GCNT2: variants seen among roughly 807,000 people sequenced by gnomAD.
GCNT2 encodes the protein N-acetyllactosaminide beta-1,6-N-acetylglucosaminyl-transferase.
GCNT2 carries 34 observed loss-of-function variants against 34.2 expected under a neutral mutation model. The observed-to-expected ratio is 1.00, with a 90% CI of 0.76 to 1.32. The LOEUF (loss-of-function observed/expected upper bound fraction) is 1.32. GCNT2 is among the 40% of genes most tolerant of loss of function. GCNT2 has a pLI of 0.00. For synonymous variants in GCNT2, 212 were observed against 188.0 expected (o/e 1.13, Z -1.04); for missense variants, 584 against 489.4 (o/e 1.19, Z -1.82).
intron 1 of GCNT2, among the ~76,000 whole-genome samples, chr6:10,526,909 A>AT (rs1484128633): frequency 6.6e-6 from 1 of 152,192 alleles, no homozygotes; most frequent in Non-Finnish European, 1.5e-5. Flanking sequence ...TGAGGAGTTC[A>AT]AGACCAGCCT....
intron 3 of GCNT2, among the ~76,000 whole-genome samples, chr6:10,561,185 G>A (rs1295266374): frequency 6.6e-6 from 1 of 151,508 alleles, no homozygotes; most frequent in South Asian, 2.1e-4. Context: ...TTTTTTTTGA[G>A]ACAGAGTTTC....
intron 3 of GCNT2, among the ~76,000 whole-genome samples, chr6:10,616,802 G>A (rs938923972): frequency 6.6e-6 from 1 of 151,994 alleles, no homozygotes; most frequent in Non-Finnish European, 1.5e-5. Flanking sequence ...GTTTCTCCAA[G>A]ACCCAACCAG....
At chr6:10,606,546 T>C (rs375508946) in intron 3 of GCNT2, among the ~76,000 whole-genome samples, 5 of 149,574 alleles carry the variant, frequency 3.3e-5, no homozygotes, top group African/African-American at 1.3e-4. Flanking sequence ...AAGATATTTA[T>C]TGGGATCTCT....
chr6:10,573,408 G>C (rs1000756189), intron 3 of GCNT2: 1 of 474,704 alleles, frequency 2.1e-6, no homozygotes, highest in Admixed American at 6.4e-5. Flanking sequence ...GTTAACACCA[G>C]AAGGGAAAGA....
chr6:10,568,681 G>T (rs1176846930), intron 3 of GCNT2, among the ~76,000 whole-genome samples: 1 of 152,130 alleles, frequency 6.6e-6, no homozygotes, highest in Non-Finnish European at 1.5e-5. Flanking sequence ...AAATCTCCCT[G>T]TTGGAGATCC....
intron 3 of GCNT2, among the ~76,000 whole-genome samples, chr6:10,544,945 C>CAAATAAATAAATAAATAAATAAAT (rs57813293): frequency 2.0e-5 from 3 of 148,972 alleles, no homozygotes; most frequent in African/African-American, 5.0e-5. Context: ...AACTCTGTCT[C>CAAATAAATAAATAAATAAATAAAT]AAATAAATAA....
chr6:10,616,148 A>T (rs1329944691), intron 3 of GCNT2, among the ~76,000 whole-genome samples: 2 of 149,728 alleles, frequency 1.3e-5, no homozygotes, highest in East Asian at 3.9e-4. Context: ...TGGTCTCGCT[A>T]GCTCAGGAGT....
intron 3 of GCNT2, among the ~76,000 whole-genome samples, chr6:10,589,149 GGT>G (rs1480364286): frequency 1.9e-4 from 25 of 134,074 alleles, no homozygotes; most frequent in Admixed American, 1.5e-4. Flanking sequence ...ATGTGGTGTG[GGT>G]GTGTGTGCGT....
At chr6:10,563,775 AAAATAT>A (rs1165471826) in intron 3 of GCNT2, among the ~76,000 whole-genome samples, 9 of 30,460 alleles carry the variant, frequency 3.0e-4, no homozygotes, top group African/African-American at 3.9e-4. Flanking sequence ...AAAAAAAAAA[AAAATAT>A]ATATATATAT....
chr6:10,546,075 T>C (rs1581387147), intron 3 of GCNT2, among the ~76,000 whole-genome samples: 1 of 152,206 alleles, frequency 6.6e-6, no homozygotes, highest in East Asian at 1.9e-4. Context: ...CTGTTCTTTA[T>C]GCCTCACTGC....
intron 3 of GCNT2, chr6:10,556,093 CG>C: frequency 1.6e-6 from 2 of 1,213,740 alleles, no homozygotes; most frequent in Non-Finnish European, 2.1e-6. Context: ...CTAAATCTGC[CG>C]GGGGAAAGAG....
At chr6:10,599,738 A>G (rs1765018757) in intron 3 of GCNT2, among the ~76,000 whole-genome samples, 1 of 152,190 alleles carries the variant, frequency 6.6e-6, no homozygotes, top group Non-Finnish European at 1.5e-5. Context: ...AATGATAATA[A>G]CTGCTAATCT....
chr6:10,551,182 G>A (rs140302896), intron 3 of GCNT2, among the ~76,000 whole-genome samples: 2 of 152,106 alleles, frequency 1.3e-5, no homozygotes, highest in East Asian at 1.9e-4. Context: ...AGCCACATGC[G>A]CCTTAACATT....
intron 3 of GCNT2, among the ~76,000 whole-genome samples, chr6:10,582,435 A>G (rs1228990005): frequency 1.6e-5 from 2 of 126,430 alleles, no homozygotes; most frequent in Non-Finnish European, 3.1e-5. Flanking sequence ...ACTATAATTT[A>G]ATATTTATTA....
chr6:10,599,631 T>G (rs147967163), intron 3 of GCNT2, among the ~76,000 whole-genome samples: 10 of 152,240 alleles, frequency 6.6e-5, no homozygotes, highest in African/African-American at 2.4e-4. Context: ...TAGCTTCCCC[T>G]CTCTCCAAGA....
chr6:10,616,796 C>T (rs1053210704), intron 3 of GCNT2, among the ~76,000 whole-genome samples: 1 of 152,124 alleles, frequency 6.6e-6, no homozygotes, highest in Non-Finnish European at 1.5e-5. Flanking sequence ...CATAAAGTTT[C>T]TCCAAGACCC....
intron 3 of GCNT2, among the ~76,000 whole-genome samples, chr6:10,542,624 C>A (rs895991513): frequency 4.6e-5 from 7 of 152,186 alleles, no homozygotes; most frequent in African/African-American, 7.2e-5. Flanking sequence ...TCATGCGTAG[C>A]TCCTTTTACT....
At chr6:10,535,478 T>G (rs892739164) in intron 3 of GCNT2, among the ~76,000 whole-genome samples, 3 of 152,216 alleles carry the variant, frequency 2.0e-5, no homozygotes, top group Non-Finnish European at 4.4e-5. Context: ...CTGTGGATGA[T>G]TTCCATTTAT....
At chr6:10,580,248 T>C (rs969700094) in intron 3 of GCNT2, among the ~76,000 whole-genome samples, 5 of 151,118 alleles carry the variant, frequency 3.3e-5, no homozygotes, top group African/African-American at 1.2e-4. Flanking sequence ...CATGATCCCC[T>C]GTGGCATTAA....
Sources: allele counts gnomAD v4.1 joint callset (sites outside exome capture counted in the v4.1 genomes callset), GRCh38; gene constraint gnomAD v4.1.1; transcripts MANE v1.5; gene names NCBI Gene and HGNC (gene_info 2026-07-23, HGNC 2026-07-21).